Variants in VDAC1 observed in about 807,000 individuals in gnomAD.
The protein encoded by VDAC1 is voltage dependent anion channel 1.
VDAC1 carries 10 observed loss-of-function variants against 34.7 expected under a neutral mutation model. That is an observed-to-expected ratio of 0.29 (90% CI 0.18 to 0.49). VDAC1 has a LOEUF of 0.49. Among genes scored for constraint, VDAC1 ranks in the 20% least tolerant of loss-of-function variants. The probability of loss-of-function intolerance (pLI) is 0.99; values close to 1 mark genes in which losing one functional copy is unlikely to be tolerated. For missense variants in VDAC1, 230 were observed against 347.9 expected (o/e 0.66, Z 2.69); for synonymous variants, 130 against 136.0 (o/e 0.96, Z 0.30).
At chr5:133,982,842 A>G (rs1195138515) in intron 5 of VDAC1, among the ~76,000 whole-genome samples, 1 of 149,430 alleles carries the variant, frequency 6.7e-6, no homozygotes, top group Non-Finnish European at 1.5e-5. Context: ...GTGAGCCAAG[A>G]CCGCGCCACT....
chr5:134,074,385 A>AG, the VDAC1 span, among the ~76,000 whole-genome samples: 1 of 152,180 alleles, frequency 6.6e-6, no homozygotes, highest in Non-Finnish European at 1.5e-5. Context: ...ACTTTGAAAA[A>AG]GGACATTAAA....
chr5:133,981,017 T>C (rs76341281), intron 5 of VDAC1, 61 bp from the exon 6 acceptor site: 1 of 199,028 alleles, frequency 5.0e-6, no homozygotes, highest in Non-Finnish European at 8.7e-6. Flanking sequence ...GCAAGTTGTC[T>C]TTTTTTTTTT....
the VDAC1 span, among the ~76,000 whole-genome samples, chr5:134,103,119 CT>C: frequency 6.6e-6 from 1 of 152,018 alleles, no homozygotes; most frequent in Admixed American, 6.6e-5. Flanking sequence ...CGGTGTCATT[CT>C]TTTATTTATT....
intron 1 of VDAC1, among the ~76,000 whole-genome samples, chr5:134,001,732 A>G (rs1024459156): frequency 4.0e-5 from 6 of 151,056 alleles, no homozygotes; most frequent in African/African-American, 1.5e-4. Context: ...AAAAAAAAAA[A>G]AAAGAGAGAG....
At chr5:134,091,391 A>G in the VDAC1 span, among the ~76,000 whole-genome samples, 3 of 152,296 alleles carry the variant, frequency 2.0e-5, no homozygotes, top group East Asian at 5.8e-4. Context: ...CCACAGAATC[A>G]TCATGCGTGG....
intron 1 of VDAC1, 73 bp from the exon 2 acceptor site, chr5:133,993,091 T>C (rs1753167670): frequency 4.2e-6 from 6 of 1,429,922 alleles, no homozygotes; most frequent in East Asian, 2.5e-5. Context: ...TAACAATTAT[T>C]AGATGTAATT....
chr5:134,084,151 A>G, the VDAC1 span, among the ~76,000 whole-genome samples: 1 of 152,360 alleles, frequency 6.6e-6, no homozygotes, highest in African/African-American at 2.4e-5. Context: ...CTCTGGCTTT[A>G]AAGGATAGCT....
At chr5:134,042,553 G>C in the VDAC1 span, among the ~76,000 whole-genome samples, 1 of 152,132 alleles carries the variant, frequency 6.6e-6, no homozygotes, top group Non-Finnish European at 1.5e-5. Context: ...GAGTGCAGTG[G>C]TGCAATCTCA....
the VDAC1 span, among the ~76,000 whole-genome samples, chr5:134,093,150 C>T: frequency 2.0e-5 from 3 of 152,190 alleles, no homozygotes; most frequent in African/African-American, 4.8e-5. Context: ...AGCACAGGTG[C>T]ATTTCAATTG....
At chr5:134,048,727 C>G in the VDAC1 span, among the ~76,000 whole-genome samples, 2 of 152,138 alleles carry the variant, frequency 1.3e-5, no homozygotes. Flanking sequence ...TAGCTCTTAT[C>G]CCCCGCTGGA....
At chr5:134,043,543 T>C in the VDAC1 span, among the ~76,000 whole-genome samples, 1 of 152,116 alleles carries the variant, frequency 6.6e-6, no homozygotes, top group Non-Finnish European at 1.5e-5. Context: ...CTTTTTTCTT[T>C]TTTTTTCCCA....
the VDAC1 span, among the ~76,000 whole-genome samples, chr5:134,057,968 CTCAATGCAATCT>C: frequency 4.3e-4 from 65 of 152,170 alleles, no homozygotes; most frequent in African/African-American, 1.4e-3. Flanking sequence ...ATGATCTTGG[CTCAATGCAATCT>C]CCACCTCCTG....
intron 1 of VDAC1, among the ~76,000 whole-genome samples, chr5:134,002,547 T>A (rs1029309571): frequency 9.2e-5 from 14 of 152,196 alleles, no homozygotes; most frequent in African/African-American, 2.9e-4. Context: ...AACCAGAGAA[T>A]GAAGACGATG....
the VDAC1 span, among the ~76,000 whole-genome samples, chr5:134,059,292 T>G: frequency 1.3e-5 from 2 of 152,136 alleles, no homozygotes; most frequent in Non-Finnish European, 1.5e-5. Flanking sequence ...AAGGTACAGT[T>G]TCAGTGATGT....
chr5:134,086,216 A>G, the VDAC1 span, among the ~76,000 whole-genome samples: 1 of 152,290 alleles, frequency 6.6e-6, no homozygotes, highest in Non-Finnish European at 1.5e-5. Flanking sequence ...AATAAAAAAT[A>G]CTTTCTCCAT....
At chr5:134,034,207 C>A in the VDAC1 span, among the ~76,000 whole-genome samples, 1 of 151,916 alleles carries the variant, frequency 6.6e-6, no homozygotes, top group African/African-American at 2.4e-5. Context: ...AAGAACTCTA[C>A]ACATATATGT....
chr5:134,088,270 C>A, the VDAC1 span, among the ~76,000 whole-genome samples: 3 of 152,232 alleles, frequency 2.0e-5, no homozygotes, highest in African/African-American at 7.2e-5. Context: ...GAGCCCCCAA[C>A]AAAACCCATC....
At chr5:134,042,203 T>G in the VDAC1 span, among the ~76,000 whole-genome samples, 1 of 152,146 alleles carries the variant, frequency 6.6e-6, no homozygotes, top group Admixed American at 6.5e-5. Context: ...GCTGCCATGG[T>G]GGGCTCAGGG....
chr5:134,101,464 T>C, the VDAC1 span, among the ~76,000 whole-genome samples: 752 of 151,656 alleles, frequency 5.0e-3, 8 homozygotes, highest in African/African-American at 0.017. Flanking sequence ...TGGTGGTGCA[T>C]GCCTGTAGTC....
Sources: allele counts gnomAD v4.1 joint callset (sites outside exome capture counted in the v4.1 genomes callset), GRCh38; gene constraint gnomAD v4.1.1; transcripts MANE v1.5; gene names NCBI Gene and HGNC (gene_info 2026-07-23, HGNC 2026-07-21).